CLNK: variants seen among roughly 807,000 people sequenced by gnomAD.
CLNK encodes cytokine dependent hematopoietic cell linker.
Under a neutral mutation model 68.6 loss-of-function variants are expected in CLNK, and 74 were observed. The observed-to-expected ratio is 1.08, with a 90% CI of 0.89 to 1.31. The LOEUF (loss-of-function observed/expected upper bound fraction) is 1.31, where lower values mean the gene tolerates loss of function less well. Ranked by LOEUF, CLNK falls within the 50% of genes most tolerant of loss-of-function variation. CLNK has a pLI of 0.00. For missense variants in CLNK, 553 were observed against 515.3 expected (o/e 1.07, Z -0.71); for synonymous variants, 198 against 172.2 (o/e 1.15, Z -1.17).
At chr4:10,666,083 G>C (rs187264826) in intron 2 of CLNK, among the ~76,000 whole-genome samples, 1 of 152,326 alleles carries the variant, frequency 6.6e-6, no homozygotes, top group East Asian at 1.9e-4. Context: ...GCAGAGAGGA[G>C]AGTGATGCGG....
chr4:10,532,902 T>C (rs1718604079), intron 11 of CLNK, among the ~76,000 whole-genome samples: 1 of 152,226 alleles, frequency 6.6e-6, no homozygotes, highest in Non-Finnish European at 1.5e-5. Flanking sequence ...CTTTTTTTCA[T>C]CTGCAAAATG....
chr4:10,545,987 C>G (rs542029408), intron 8 of CLNK, among the ~76,000 whole-genome samples: 1 of 152,282 alleles, frequency 6.6e-6, no homozygotes, highest in Admixed American at 6.5e-5. Flanking sequence ...GTAGACAGCG[C>G]CCCAGTCCTA....
the CLNK span, among the ~76,000 whole-genome samples, chr4:10,728,608 T>C: frequency 2.0e-5 from 3 of 148,118 alleles, no homozygotes; most frequent in South Asian, 2.1e-4. Flanking sequence ...TTCTTTCTTT[T>C]TTTTTTTTTT....
chr4:10,703,785 T>C, the CLNK span, among the ~76,000 whole-genome samples: 1 of 152,102 alleles, frequency 6.6e-6, no homozygotes, highest in East Asian at 1.9e-4. Flanking sequence ...CTGGAGGAAA[T>C]TGTAACACAA....
the CLNK span, among the ~76,000 whole-genome samples, chr4:10,698,818 C>T: frequency 0.039 from 5,976 of 152,212 alleles, 395 homozygotes; most frequent in African/African-American, 0.14. Flanking sequence ...ATGAGATTAA[C>T]ATGTGAGTGA....
the CLNK span, among the ~76,000 whole-genome samples, chr4:10,732,277 C>T: frequency 0.36 from 54,307 of 152,054 alleles, 11,445 homozygotes; most frequent in African/African-American, 0.6. Context: ...ATTTAAGCTA[C>T]ATCTGGCACA....
chr4:10,719,194 C>A, the CLNK span, among the ~76,000 whole-genome samples: 1 of 151,898 alleles, frequency 6.6e-6, no homozygotes, highest in Non-Finnish European at 1.5e-5. Flanking sequence ...TAAGCCCTAA[C>A]GTATCAGTAG....
intron 2 of CLNK, among the ~76,000 whole-genome samples, chr4:10,609,357 T>A (rs1452604225): frequency 6.6e-6 from 1 of 152,248 alleles, no homozygotes; most frequent in Non-Finnish European, 1.5e-5. Flanking sequence ...GCCCATTCTC[T>A]GATCTCCTTC....
At chr4:10,491,906 T>A (rs1716590906) in intron 18 of CLNK, among the ~76,000 whole-genome samples, 1 of 152,160 alleles carries the variant, frequency 6.6e-6, no homozygotes, top group African/African-American at 2.4e-5. Flanking sequence ...AGTAGGTGAT[T>A]TTTCATCCCT....
At chr4:10,632,933 A>G (rs1415382982) in intron 2 of CLNK, among the ~76,000 whole-genome samples, 1 of 152,228 alleles carries the variant, frequency 6.6e-6, no homozygotes, top group Non-Finnish European at 1.5e-5. Flanking sequence ...ATTTTGAGAC[A>G]GAGAAAAGAT....
At chr4:10,613,518 T>C (rs1012884672) in intron 2 of CLNK, among the ~76,000 whole-genome samples, 1 of 152,132 alleles carries the variant, frequency 6.6e-6, no homozygotes, top group African/African-American at 2.4e-5. Context: ...TCTGTAGTCA[T>C]TGAGAGGCAC....
the CLNK span, among the ~76,000 whole-genome samples, chr4:10,722,505 G>C: frequency 6.6e-6 from 1 of 152,162 alleles, no homozygotes; most frequent in Non-Finnish European, 1.5e-5. Context: ...TGCAGCTTTC[G>C]ATAACTCTGT....
At chr4:10,650,403 C>T (rs545699628) in intron 2 of CLNK, among the ~76,000 whole-genome samples, 8 of 151,936 alleles carry the variant, frequency 5.3e-5, no homozygotes, top group Non-Finnish European at 7.4e-5. Flanking sequence ...GGATATCCAA[C>T]GTATCCAAAG....
chr4:10,526,488 G>A (rs773093179), intron 13 of CLNK, among the ~76,000 whole-genome samples: 14 of 152,166 alleles, frequency 9.2e-5, no homozygotes, highest in Non-Finnish European at 1.5e-4. Flanking sequence ...GTGACTATAC[G>A]TATGGCTAAA....
chr4:10,550,966 C>T (rs1181150161), intron 8 of CLNK, among the ~76,000 whole-genome samples: 1 of 152,172 alleles, frequency 6.6e-6, no homozygotes, highest in Non-Finnish European at 1.5e-5. Context: ...GATGACTGCT[C>T]AGCAATTAAC....
intron 5 of CLNK, among the ~76,000 whole-genome samples, chr4:10,568,254 A>C (rs966067497): frequency 1.3e-5 from 2 of 152,224 alleles, no homozygotes; most frequent in Non-Finnish European, 2.9e-5. Context: ...CCTTGATAAT[A>C]TTACGTTAAA....
the CLNK span, among the ~76,000 whole-genome samples, chr4:10,694,468 T>G: frequency 2.0e-5 from 3 of 152,156 alleles, no homozygotes; most frequent in Non-Finnish European, 2.9e-5. Flanking sequence ...ATAATTTTAC[T>G]GTACCTTTTT....
At chr4:10,692,051 C>G in the CLNK span, 1 of 148,582 alleles carries the variant, frequency 6.7e-6, no homozygotes, top group South Asian at 2.1e-4. Context: ...TTTTTTTTTT[C>G]TTTTCTTTTC....
At chr4:10,695,572 G>C in the CLNK span, among the ~76,000 whole-genome samples, 16 of 152,160 alleles carry the variant, frequency 1.1e-4, no homozygotes, top group Admixed American at 3.9e-4. Context: ...GTCCTGGCCC[G>C]TCAGGGCCTC....
Sources: allele counts gnomAD v4.1 joint callset (sites outside exome capture counted in the v4.1 genomes callset), GRCh38; gene constraint gnomAD v4.1.1; transcripts MANE v1.5; gene names NCBI Gene and HGNC (gene_info 2026-07-23, HGNC 2026-07-21).